Variants in NF2 observed in about 807,000 individuals in gnomAD.
NF2 encodes the protein merlin.
NF2 carries 8 observed loss-of-function variants against 83.7 expected under a neutral mutation model. That is an observed-to-expected ratio of 0.10 (90% CI 0.06 to 0.17). NF2 has a LOEUF of 0.17. Among genes scored for constraint, NF2 ranks in the 10% least tolerant of loss-of-function variants. NF2 has a pLI of 1.00. For missense variants in NF2, 533 were observed against 744.4 expected (o/e 0.72, Z 3.31); for synonymous variants, 266 against 269.6 (o/e 0.99, Z 0.13).
At chr22:29,608,172 CAAAAAAA>C (rs570144418) in intron 1 of NF2, among the ~76,000 whole-genome samples, 1 of 31,706 alleles carries the variant, frequency 3.2e-5, no homozygotes, top group Non-Finnish European at 5.0e-5. Context: ...GACTCTGTCT[CAAAAAAA>C]AAAAAAAAAA....
At chr22:29,678,890 T>C (rs751593360) in intron 14 of NF2, among the ~76,000 whole-genome samples, 4 of 152,102 alleles carry the variant, frequency 2.6e-5, no homozygotes, top group Non-Finnish European at 4.4e-5. Flanking sequence ...TTATTGTGGG[T>C]AGAAGTGGAT....
chr22:29,649,749 A>T (rs1225648723), intron 4 of NF2, among the ~76,000 whole-genome samples: 1 of 151,528 alleles, frequency 6.6e-6, no homozygotes, highest in Non-Finnish European at 1.5e-5. Flanking sequence ...TCTGAAAAAT[A>T]AAATAAAAAT....
chr22:29,654,789 CAA>C, intron 5 of NF2, 64 bp downstream of exon 5: 1 of 1,262,352 alleles, frequency 7.9e-7, no homozygotes, highest in South Asian at 1.2e-5. Flanking sequence ...GAAAGCTAAC[CAA>C]AGGACTTGAA....
At position 29,683,749 on chromosome 22, in the gene NF2, T is replaced by C. The variant is rs1016060294; in HGVS notation, c.1737+2148T>C. ...AGATGTGGTCAGAGTGAACTCACAT[T>C]GGAACAGTACACTCACGGCACCCTG... On this transcript the variant is annotated intron_variant, in intron 15 of 15. Transcript: ENST00000338641. 9.4e-6 allele frequency: 10 copies of C among 1,066,926 alleles called. No homozygotes were observed. The African/African-American group carries it at 1.5e-4, about 16-fold the overall frequency. The allele number at this position is 1,066,926 out of a possible 1,614,324, so 66.1% of individuals were successfully genotyped here.
At chr22:29,642,485 T>C (rs2065839419) in intron 4 of NF2, among the ~76,000 whole-genome samples, 200 bp downstream of exon 4, 1 of 152,112 alleles carries the variant, frequency 6.6e-6, no homozygotes, top group Non-Finnish European at 1.5e-5. Context: ...TGTGTGTGTG[T>C]GTGTATGTGT....
At chr22:29,642,830 G>A (rs2065849305) in intron 4 of NF2, among the ~76,000 whole-genome samples, 1 of 152,128 alleles carries the variant, frequency 6.6e-6, no homozygotes, top group Non-Finnish European at 1.5e-5. Context: ...AGAATGCCCT[G>A]CTTCATCTGC....
chr22:29,641,156 A>C (rs2065799588), intron 3 of NF2, among the ~76,000 whole-genome samples: 1 of 149,276 alleles, frequency 6.7e-6, no homozygotes, highest in Admixed American at 6.8e-5. Flanking sequence ...ATGTTCTTGC[A>C]GTTTTTCTAT....
chr22:29,618,466 T>G (rs1218794929), intron 1 of NF2, among the ~76,000 whole-genome samples: 1 of 151,996 alleles, frequency 6.6e-6, no homozygotes, highest in Non-Finnish European at 1.5e-5. Flanking sequence ...ACTGCAGAGA[T>G]AGGGGGAAAA....
chr22:29,681,635 C>A, intron 15 of NF2, 34 bp downstream of exon 15: 1 of 1,612,966 alleles, frequency 6.2e-7, no homozygotes, highest in Non-Finnish European at 8.5e-7. Flanking sequence ...TTTTGCTGAT[C>A]AGGACCATCA....
intron 13 of NF2, among the ~76,000 whole-genome samples, chr22:29,677,739 C>T (rs1325426115): frequency 2.0e-5 from 3 of 152,224 alleles, no homozygotes; most frequent in African/African-American, 4.8e-5. Context: ...GCAAAAGCAG[C>T]ATCTCTTCTA....
At chr22:29,609,488 A>G (rs2064892406) in intron 1 of NF2, 1 of 292,484 alleles carries the variant, frequency 3.4e-6, no homozygotes, top group Admixed American at 4.5e-5. Context: ...GCTCAGAAAG[A>G]TTCTCTTGAT....
rs2146850186 is a variant in NF2, at chr22:29,636,684, T to G, written c.115-67T>G. 1 of 1,608,182 alleles carries G rather than the reference T, an allele frequency of 6.2e-7. No homozygotes were observed. The highest frequency in any genetic ancestry group is 1.7e-5 in the Admixed American group (1 of 60,008). On this transcript the variant is annotated intron_variant, in intron 1 of 15. Coordinates refer to ENST00000338641, the MANE Select transcript of NF2 (RefSeq NM_000268.4). The surrounding 1 kb of genome is among the most constrained non-coding windows in gnomAD (Gnocchi z 4.4). ...CGTTTTGGAACCTGAGAGTGGAGAGTGCAGAGAAAAGGTTTTATTAATGAT... is the reference window on the plus strand; with the variant it reads ...CGTTTTGGAACCTGAGAGTGGAGAGGGCAGAGAAAAGGTTTTATTAATGAT...
At chr22:29,641,057 C>T (rs1049846947) in intron 3 of NF2, among the ~76,000 whole-genome samples, 1 of 152,140 alleles carries the variant, frequency 6.6e-6, no homozygotes, top group African/African-American at 2.4e-5. Flanking sequence ...CACTTGAACC[C>T]GGGAGGTGGA....
At chr22:29,657,869 A>T (rs771858159) in intron 6 of NF2, among the ~76,000 whole-genome samples, 3 of 152,212 alleles carry the variant, frequency 2.0e-5, no homozygotes, top group Non-Finnish European at 4.4e-5. Context: ...AGAAGATAAC[A>T]TACCACACAC....
intron 10 of NF2, among the ~76,000 whole-genome samples, chr22:29,668,749 C>T (rs6006223): frequency 1.1e-4 from 16 of 152,322 alleles, no homozygotes; most frequent in East Asian, 3.9e-4. Context: ...TCTATCCGTC[C>T]GGCTAGCTAG....
chr22:29,654,150 G>A (rs539874998), intron 4 of NF2, among the ~76,000 whole-genome samples: 25 of 152,346 alleles, frequency 1.6e-4, no homozygotes, highest in African/African-American at 3.1e-4. Context: ...AGGAATGGCA[G>A]TGTTGACATC....
chr22:29,644,056 C>T (rs1330508214), intron 4 of NF2, among the ~76,000 whole-genome samples: 26 of 151,840 alleles, frequency 1.7e-4, no homozygotes, highest in Admixed American at 3.3e-4. Context: ...GGGTGGCTGC[C>T]GGGCGGAGAC....
intron 6 of NF2, among the ~76,000 whole-genome samples, chr22:29,655,929 ATTAAGT>A (rs1164135432): frequency 6.6e-6 from 1 of 151,580 alleles, no homozygotes; most frequent in Non-Finnish European, 1.5e-5. Flanking sequence ...CTCACTGGTA[ATTAAGT>A]TTAAGATTTT....
At chr22:29,610,117 CCTTTG>C (rs1416061238) in intron 1 of NF2, among the ~76,000 whole-genome samples, 1 of 151,750 alleles carries the variant, frequency 6.6e-6, no homozygotes, top group Non-Finnish European at 1.5e-5. Context: ...GCAGGAGGAT[CCTTTG>C]AGGCCAGGAG....
Sources: allele counts gnomAD v4.1 joint callset (sites outside exome capture counted in the v4.1 genomes callset), GRCh38; gene constraint gnomAD v4.1.1; non-coding constraint Gnocchi (gnomAD v3.1); transcripts MANE v1.5; gene names NCBI Gene and HGNC (gene_info 2026-07-23, HGNC 2026-07-21).